The following EYS variants were observed in gnomAD, a reference collection of about 807,000 sequenced individuals.
The protein encoded by EYS is protein eyes shut homolog.
EYS carries 250 observed loss-of-function variants against 282.1 expected under a neutral mutation model. The observed-to-expected ratio is 0.89, with a 90% CI of 0.80 to 0.98. The LOEUF (loss-of-function observed/expected upper bound fraction) is 0.98, where lower values mean the gene tolerates loss of function less well. Among genes scored for constraint, EYS ranks in the 50% least tolerant of loss-of-function variants. The pLI is 0.00. For missense variants in EYS, 4,016 were observed against 3,709.0 expected, an observed-to-expected ratio of 1.08 and a Z score of -2.15; for synonymous variants, 1,355 against 1,282.9, an observed-to-expected ratio of 1.06 and a Z score of -1.20.
chr6:64,971,138 A>T (rs9453139), intron 14 of EYS, among the ~76,000 whole-genome samples: 196 of 152,280 alleles, frequency 1.3e-3, no homozygotes, highest in African/African-American at 4.6e-3. Context: ...GGATGGCTTG[A>T]TAATTTTAGG....
chr6:64,088,048 C>G (rs1772218909), intron 31 of EYS, among the ~76,000 whole-genome samples: 1 of 152,020 alleles, frequency 6.6e-6, no homozygotes, highest in South Asian at 2.1e-4. Context: ...AAAATTATGA[C>G]AGGAAACAAC....
rs1351726384 is a variant in EYS at position 65,376,189 on chromosome 6, C to T, written c.1299+8197G>A. On this transcript the variant is annotated intron_variant, in intron 8 of 42. Transcript: ENST00000503581. ...TAACAGTGGGTCTCTCTGCACAAAC[C>T]CTACAAGCCAGAAAAGAGTGGTGCC... Among the ~76,000 whole-genome samples, 3 of 152,042 alleles carry T rather than the reference C, an allele frequency of 2.0e-5. No individual in the cohort carries two copies. The East Asian group carries it at 5.8e-4, about 29-fold the overall frequency.
intron 26 of EYS, among the ~76,000 whole-genome samples, chr6:64,579,365 C>T (rs1410210615): frequency 6.6e-6 from 1 of 152,154 alleles, no homozygotes; most frequent in Non-Finnish European, 1.5e-5. Flanking sequence ...CACTCAAATT[C>T]CAATGCCAAC....
At chr6:65,048,998 AG>A (rs1388162506) in intron 13 of EYS, among the ~76,000 whole-genome samples, 1 of 151,844 alleles carries the variant, frequency 6.6e-6, no homozygotes, top group Non-Finnish European at 1.5e-5. Context: ...TGTCACAAAA[AG>A]AAAAGTAACC....
chr6:63,914,232 C>G (rs933468533), intron 35 of EYS, among the ~76,000 whole-genome samples: 11 of 152,252 alleles, frequency 7.2e-5, no homozygotes, highest in African/African-American at 2.2e-4. Flanking sequence ...AAGAAAGAGT[C>G]TCACTTAAAC....
chr6:64,504,135 G>A (rs1777137416), intron 26 of EYS, among the ~76,000 whole-genome samples: 3 of 152,060 alleles, frequency 2.0e-5, no homozygotes, highest in South Asian at 2.1e-4. Flanking sequence ...CTAAAAGAAG[G>A]GCCTTGACAT....
intron 2 of EYS, among the ~76,000 whole-genome samples, chr6:65,583,849 T>C (rs1203779103): frequency 6.6e-6 from 1 of 152,004 alleles, no homozygotes; most frequent in Admixed American, 6.6e-5. Flanking sequence ...TTACACAAAA[T>C]AGGGATATTG....
At chr6:65,683,888 T>C (rs1336745999) in intron 1 of EYS, among the ~76,000 whole-genome samples, 2 of 152,056 alleles carry the variant, frequency 1.3e-5, no homozygotes, top group East Asian at 1.9e-4. Context: ...GTAATTTAAA[T>C]AGAACCAGTG....
chr6:64,912,578 G>A lies in EYS; in HGVS notation c.2547C>T (p.Arg849=). 1 of 1,551,248 alleles carries A rather than the reference G, an allele frequency of 6.4e-7. No homozygotes were observed. Among genetic ancestry groups the A allele is most frequent in the Non-Finnish European group, 8.7e-7 (1 of 1,146,672 alleles). ...TATGAAGTAGGTCACAAAGGTTATA[G>A]CGTTGGTGGCAAAATTGTCCAGTAT... is the stretch of plus-strand genomic sequence containing the variant. ...PLYTGQFCHQ[R]YNLCDLLHNP... The change falls in exon 16 of 43, where the codon CGC becomes CGT. Residue 849 remains arginine, a synonymous_variant. Coordinates refer to ENST00000503581, the MANE Select transcript of EYS (RefSeq NM_001142800.2).
chr6:65,466,713 C>G (rs1765013163), intron 5 of EYS, among the ~76,000 whole-genome samples: 1 of 152,028 alleles, frequency 6.6e-6, no homozygotes, highest in African/African-American at 2.4e-5. Context: ...GGCACTTGGA[C>G]AGGGTTGCAT....
intron 2 of EYS, among the ~76,000 whole-genome samples, chr6:65,514,076 A>G (rs1767019594): frequency 6.6e-6 from 1 of 152,068 alleles, no homozygotes; most frequent in Admixed American, 6.6e-5. Flanking sequence ...TTAAGCTGAT[A>G]AGCAACTTCA....
intron 2 of EYS, among the ~76,000 whole-genome samples, chr6:65,556,920 A>G (rs1202793656): frequency 1.3e-5 from 2 of 152,194 alleles, no homozygotes; most frequent in Non-Finnish European, 2.9e-5. Flanking sequence ...TTTGGATAAT[A>G]AAAGTAGAAA....
At chr6:64,498,203 A>AAT (rs568598896) in intron 26 of EYS, among the ~76,000 whole-genome samples, 28 of 152,260 alleles carry the variant, frequency 1.8e-4, no homozygotes, top group Middle Eastern at 3.4e-3. Context: ...TCATATATTT[A>AAT]ACTTGTTTAA....
At chr6:65,225,148 A>G (rs534347853) in intron 12 of EYS, among the ~76,000 whole-genome samples, 1 of 151,956 alleles carries the variant, frequency 6.6e-6, no homozygotes, top group East Asian at 1.9e-4. Context: ...TATCTTATGG[A>G]TATAGTTAGA....
rs1282008175 is a variant in EYS, at chr6:64,997,676, T to C, written c.2165A>G (p.Asn722Ser). 4 of 1,550,962 alleles carry C rather than the reference T, an allele frequency of 2.6e-6. No individual in the cohort carries two copies. Among genetic ancestry groups the C allele is most frequent in the East Asian group, 4.9e-5 (2 of 40,866 alleles). Residue 722 changes from asparagine to serine, a missense_variant, in exon 14 of 43, where the codon AAT (asparagine) becomes AGT (serine). Coordinates refer to ENST00000503581, the MANE Select transcript of EYS (RefSeq NM_001142800.2). Reference sequence around the variant, plus strand: ...ACATCTTATCCCAACATAGCCTGGATTGCATAAGCAGGAAAAGCCATCAAC... The same window carrying C: ...ACATCTTATCCCAACATAGCCTGGACTGCATAAGCAGGAAAAGCCATCAAC... ...KVVDGFSCLC[N>S]PGYVGIRCEQ...
intron 8 of EYS, among the ~76,000 whole-genome samples, chr6:65,372,301 T>C (rs1337631717): frequency 6.6e-6 from 1 of 152,072 alleles, no homozygotes; most frequent in Admixed American, 6.6e-5. Context: ...AGTTATACAA[T>C]ATTTGAATAG....
At chr6:64,348,444 CCATGGAAGTAACTTT>C (rs1771495558) in intron 29 of EYS, among the ~76,000 whole-genome samples, 1 of 1,320 alleles carries the variant, frequency 7.6e-4, no homozygotes, top group African/African-American at 0.012. Flanking sequence ...GAAGCCACTC[CCATGGAAGTAACTTT>C]CAGATATGTG....
At chr6:64,840,697 A>G (rs1367853322) in intron 19 of EYS, among the ~76,000 whole-genome samples, 1 of 152,136 alleles carries the variant, frequency 6.6e-6, no homozygotes, top group Non-Finnish European at 1.5e-5. Context: ...TACTATAAGA[A>G]AAAAGAATGT....
chr6:65,470,022 C>T (rs1765151870), intron 5 of EYS, among the ~76,000 whole-genome samples: 1 of 152,090 alleles, frequency 6.6e-6, no homozygotes, highest in African/African-American at 2.4e-5. Context: ...ATAATACTTT[C>T]TCAGGAAAAG....
Sources: gnomAD v4.1 joint callset for allele counts (sites outside exome capture counted in the v4.1 genomes callset) on GRCh38, gnomAD v4.1.1 for gene constraint, MANE v1.5 for transcripts, NCBI Gene and HGNC (gene_info 2026-07-23, HGNC 2026-07-21) for gene names.